NFIA: variants seen among roughly 807,000 people sequenced by gnomAD.
The protein encoded by NFIA is nuclear factor 1 A-type.
In NFIA, 8 loss-of-function variants were observed where a neutral mutation model predicts 62.8. That is an observed-to-expected ratio of 0.13 (90% CI 0.07 to 0.23). NFIA has a LOEUF of 0.23. Among genes scored for constraint, NFIA ranks in the 10% least tolerant of loss-of-function variants. NFIA has a pLI of 1.00. For synonymous variants in NFIA, 235 were observed against 238.1 expected (o/e 0.99, Z 0.12); for missense variants, 410 against 642.1 (o/e 0.64, Z 3.91).
chr1:61,137,078 T>C (rs756078281), intron 2 of NFIA, among the ~76,000 whole-genome samples: 1 of 152,178 alleles, frequency 6.6e-6, no homozygotes, highest in Non-Finnish European at 1.5e-5. Flanking sequence ...AAATATTGTG[T>C]GCGTAATCTT....
chr1:61,331,976 G>A (rs1050208656), intron 3 of NFIA, among the ~76,000 whole-genome samples: 3 of 152,038 alleles, frequency 2.0e-5, no homozygotes, highest in Admixed American at 2.0e-4. Flanking sequence ...AAAAGAATTT[G>A]TTTTCCTGTT....
At chr1:61,097,295 G>A (rs1646433500) in intron 2 of NFIA, among the ~76,000 whole-genome samples, 1 of 152,084 alleles carries the variant, frequency 6.6e-6, no homozygotes, top group Admixed American at 6.6e-5. Context: ...CAGAGCATGT[G>A]TATTCATATA....
intron 6 of NFIA, among the ~76,000 whole-genome samples, chr1:61,362,722 A>T (rs1663365592): frequency 6.6e-6 from 1 of 152,246 alleles, no homozygotes; most frequent in Admixed American, 6.5e-5. Context: ...AACATCAGAC[A>T]ACTTCAGAAT....
chr1:61,142,932 G>A (rs1273632312), intron 2 of NFIA, among the ~76,000 whole-genome samples: 1 of 152,158 alleles, frequency 6.6e-6, no homozygotes, highest in Non-Finnish European at 1.5e-5. Flanking sequence ...CTGGCGAGGA[G>A]AACCGCTTGT....
chr1:61,305,106 C>T (rs1451007787), intron 3 of NFIA, among the ~76,000 whole-genome samples: 2 of 151,962 alleles, frequency 1.3e-5, no homozygotes, highest in African/African-American at 2.4e-5. Context: ...AAGGAGAAAA[C>T]GGTGGAAATG....
At chr1:61,082,113 G>A (rs1646104901), upstream of NFIA, 5 of 1,284,298 alleles carry the variant, frequency 3.9e-6, no homozygotes, top group East Asian at 2.0e-4. Context: ...GTTTGCTTAA[G>A]CACATCCTGT....
intron 3 of NFIA, among the ~76,000 whole-genome samples, chr1:61,308,300 G>A (rs1386283309): frequency 6.6e-6 from 1 of 152,270 alleles, no homozygotes; most frequent in East Asian, 1.9e-4. Flanking sequence ...TTGCTCATAT[G>A]CTTTGCCATT....
intron 2 of NFIA, among the ~76,000 whole-genome samples, chr1:61,235,503 T>TAAATAAATAAAA (rs1170393926): frequency 9.5e-5 from 13 of 136,686 alleles, no homozygotes; most frequent in African/African-American, 2.7e-4. Context: ...AATAAATAAA[T>TAAATAAATAAAA]AAAAATAAAA....
At chr1:61,258,357 A>G (rs1656553559) in intron 2 of NFIA, among the ~76,000 whole-genome samples, 1 of 152,222 alleles carries the variant, frequency 6.6e-6, no homozygotes, top group Non-Finnish European at 1.5e-5. Context: ...TTTTCAACAC[A>G]GTTTCTAGAC....
chr1:61,099,997 A>G (rs1248510859), intron 2 of NFIA, among the ~76,000 whole-genome samples: 1 of 152,190 alleles, frequency 6.6e-6, no homozygotes, highest in East Asian at 1.9e-4. Context: ...TATCTCTAAG[A>G]TGATCCCCAG....
chr1:61,298,929 A>G (rs1570537525), intron 3 of NFIA, among the ~76,000 whole-genome samples: 1 of 152,160 alleles, frequency 6.6e-6, no homozygotes, highest in East Asian at 1.9e-4. Context: ...GATCCTATTT[A>G]TTTCCTTCCG....
intron 2 of NFIA, among the ~76,000 whole-genome samples, chr1:61,239,968 C>A (rs1457421130): frequency 6.6e-6 from 1 of 152,044 alleles, no homozygotes; most frequent in African/African-American, 2.4e-5. Flanking sequence ...AGCAATTTAT[C>A]AATGCATTCC....
intron 2 of NFIA, among the ~76,000 whole-genome samples, chr1:61,191,198 T>G (rs1210336833): frequency 6.6e-6 from 1 of 152,198 alleles, no homozygotes; most frequent in Non-Finnish European, 1.5e-5. Context: ...ATTGGCGATT[T>G]TTTTCCCCCT....
chr1:61,316,794 TA>T, intron 3 of NFIA, among the ~76,000 whole-genome samples: 1 of 152,322 alleles, frequency 6.6e-6, no homozygotes, highest in Admixed American at 6.5e-5. Flanking sequence ...TTCTCCTGCC[TA>T]AAAGGCCAAA....
At chr1:61,340,073 A>T (rs954652455) in intron 4 of NFIA, among the ~76,000 whole-genome samples, 2 of 152,218 alleles carry the variant, frequency 1.3e-5, no homozygotes, top group African/African-American at 4.8e-5. Flanking sequence ...CTTCCTGGTT[A>T]GAGCTGGCAG....
upstream of NFIA, among the ~76,000 whole-genome samples, chr1:61,078,858 A>T (rs146015934): frequency 4.4e-3 from 674 of 152,306 alleles, 8 homozygotes; most frequent in African/African-American, 0.015. Context: ...CCTCTTGGAC[A>T]AGTGCTTGAT....
chr1:61,087,034 C>A (rs148310610), intron 1 of NFIA, among the ~76,000 whole-genome samples: 1 of 151,978 alleles, frequency 6.6e-6, no homozygotes, highest in Non-Finnish European at 1.5e-5. Flanking sequence ...AAAAGTTAGA[C>A]GTACTCCGAA....
At chr1:61,169,916 T>A (rs895104794) in intron 2 of NFIA, among the ~76,000 whole-genome samples, 1 of 152,244 alleles carries the variant, frequency 6.6e-6, no homozygotes, top group African/African-American at 2.4e-5. Context: ...TTTAGCTTTC[T>A]TCTTTGGTAT....
chr1:61,391,962 C>CG (rs1665006265), intron 7 of NFIA, among the ~76,000 whole-genome samples: 1 of 152,194 alleles, frequency 6.6e-6, no homozygotes, highest in African/African-American at 2.4e-5. Context: ...AACAGACGCA[C>CG]GGTGTTTATT....
Sources: gnomAD v4.1 joint callset for allele counts (sites outside exome capture counted in the v4.1 genomes callset) on GRCh38, gnomAD v4.1.1 for gene constraint, MANE v1.5 for transcripts, NCBI Gene and HGNC (gene_info 2026-07-23, HGNC 2026-07-21) for gene names.